Variants in ADAMTS2 observed in about 807,000 individuals in gnomAD.
ADAMTS2 encodes the protein ADAM metallopeptidase with thrombospondin type 1 motif 2.
A neutral mutation model predicts 123.0 loss-of-function variants in ADAMTS2; 50 were observed. That is an observed-to-expected ratio of 0.41 (90% CI 0.32 to 0.51). ADAMTS2 has a LOEUF of 0.51. ADAMTS2 is among the 20% of genes least tolerant of loss of function. The pLI is 0.35. For missense variants in ADAMTS2, 1,494 were observed against 1,705.2 expected (o/e 0.88, Z 2.18); for synonymous variants, 678 against 695.4 (o/e 0.98, Z 0.39).
In ADAMTS2 at chr5:179,308,113, G is replaced by A. The variant is rs1222747394; in HGVS notation, c.535-35049C>T. Among the ~76,000 whole-genome samples, 1 of 152,156 alleles carries A rather than the reference G, an allele frequency of 6.6e-6. No individual in the cohort carries two copies. Among genetic ancestry groups the A allele is most frequent in the Non-Finnish European group, 1.5e-5 (1 of 68,026 alleles). ...GCCAAGGTCCCTGTGGTGCAGAGTG[G>A]GCCAAGTTTGCCGCCTTCTGGAGCG... On this transcript the variant is annotated intron_variant, in intron 2 of 21. Coordinates refer to ENST00000251582, the MANE Select transcript of ADAMTS2 (RefSeq NM_014244.5). This position sits in a 1 kb window ranked among gnomAD's most constrained non-coding sequence, Gnocchi z 6.6.
At chr5:179,222,512 G>C (rs59676020) in intron 3 of ADAMTS2, among the ~76,000 whole-genome samples, 1 of 152,334 alleles carries the variant, frequency 6.6e-6, no homozygotes, top group Non-Finnish European at 1.5e-5. Flanking sequence ...CCTGCTTGCC[G>C]GGCCCCAGCT....
chr5:179,326,002 G>A (rs542216915), intron 2 of ADAMTS2, among the ~76,000 whole-genome samples: 1 of 152,356 alleles, frequency 6.6e-6, no homozygotes, highest in African/African-American at 2.4e-5. Context: ...GGGGTGCGGA[G>A]GAAGGGATCA....
At chr5:179,329,854 T>C (rs377217415) in intron 2 of ADAMTS2, among the ~76,000 whole-genome samples, 49 of 152,052 alleles carry the variant, frequency 3.2e-4, no homozygotes, top group East Asian at 2.1e-3. Flanking sequence ...AGGCCGGGCG[T>C]GGTGGCTCAC....
chr5:179,297,958 C>T (rs532232315), intron 2 of ADAMTS2, among the ~76,000 whole-genome samples: 1 of 152,234 alleles, frequency 6.6e-6, no homozygotes, highest in Admixed American at 6.5e-5. Context: ...TCTGCTGCTC[C>T]CTCCCACGCA....
rs1055040572 is a variant in ADAMTS2 at position 179,189,907 on chromosome 5, C to T, written c.892-8752G>A. On this transcript the variant is annotated intron_variant, in intron 4 of 21. Coordinates refer to ENST00000251582, the MANE Select transcript of ADAMTS2 (RefSeq NM_014244.5). This position sits in a 1 kb window ranked among gnomAD's most constrained non-coding sequence, Gnocchi z 4.2. ...TTCACAAGGGCGGGTCCGGCGGGGGCGGGTGGCAATATCACAAAGTACATT... is the reference window on the plus strand; with the variant it reads ...TTCACAAGGGCGGGTCCGGCGGGGGTGGGTGGCAATATCACAAAGTACATT... 3.3e-5 allele frequency among the ~76,000 whole-genome samples: 5 copies of T among 149,404 alleles called. No individual in the cohort carries two copies. The highest frequency in any genetic ancestry group is 7.4e-5 in the African/African-American group (3 of 40,288).
rs1412956412 is a variant in ADAMTS2 at position 179,114,125 on chromosome 5, G to A, written c.3378C>T (p.Pro1126=). The change falls in exon 22 of 22, where the codon CCC becomes CCT. Residue 1126 remains proline, a synonymous_variant. Coordinates refer to ENST00000251582, the MANE Select transcript of ADAMTS2 (RefSeq NM_014244.5). ...IDVFMPTLPV[P]TVAMEVRPSP... is the part of the protein sequence containing the mutation. ...ATGGCCGCACCTCCATGGCTACAGT[G>A]GGCACTGGGAGGGTAGGCATGAACA... The A allele has an allele frequency of 1.2e-6, 2 of 1,614,032 alleles. No homozygotes were observed. Among genetic ancestry groups the A allele is most frequent in the Admixed American group, 1.7e-5 (1 of 60,004 alleles).
Position 179,152,099 on chromosome 5 carries a change from C to T in ADAMTS2, c.1629+43G>A, listed in dbSNP as rs74406167. ...TGACCCGGGCACCTAAGATTCCTGT[C>T]CTCTGCCCTGCTGCCCTCCAAGAGC... On this transcript the variant is annotated intron_variant, in intron 10 of 21. Transcript: ENST00000251582. 2,537 of 1,570,826 alleles carry T rather than the reference C, an allele frequency of 1.6e-3. 44 individuals carry two copies. In the African/African-American group the frequency reaches 0.031, roughly 19 times the overall value.
intron 5 of ADAMTS2, among the ~76,000 whole-genome samples, chr5:179,167,794 C>T (rs551873895): frequency 5.3e-5 from 8 of 152,352 alleles, no homozygotes; most frequent in South Asian, 2.1e-4. Flanking sequence ...ACTGCAGCTC[C>T]GAGCTTGGAG....
chr5:179,182,937 A>G (rs1764081064), intron 4 of ADAMTS2, among the ~76,000 whole-genome samples: 1 of 152,174 alleles, frequency 6.6e-6, no homozygotes, highest in Non-Finnish European at 1.5e-5. Flanking sequence ...GTCCCCAGGA[A>G]GCCTTGCCAT....
intron 4 of ADAMTS2, among the ~76,000 whole-genome samples, chr5:179,206,206 C>T (rs1167683337): frequency 6.6e-6 from 1 of 152,198 alleles, no homozygotes; most frequent in Admixed American, 6.5e-5. Context: ...GGCTAGCTGA[C>T]TCACCCAAGA....
chr5:179,114,241 G>A lies in ADAMTS2; in HGVS notation c.3262C>T (p.Leu1088=), dbSNP rs960542347. The change falls in exon 22 of 22, where the codon CTG becomes TTG. Residue 1088 remains leucine, a synonymous_variant. Coordinates refer to ENST00000251582, the MANE Select transcript of ADAMTS2 (RefSeq NM_014244.5). The stretch of plus-strand genomic sequence containing the variant: ...TACAGGTTACAGGACTTGCAGCACA[G>A]CTTGTTGTAGCCTGGGATGGAGCAA... The part of the protein sequence containing the change: ...RYCSIPGYNK[L]CCKSCNLYNN... 9 of 1,613,966 alleles carry A rather than the reference G, an allele frequency of 5.6e-6. No individual in the cohort carries two copies. The highest frequency in any genetic ancestry group is 2.2e-5 in the East Asian group (1 of 44,894).
At chr5:179,160,251 G>C (rs553894649) in intron 5 of ADAMTS2, among the ~76,000 whole-genome samples, 1 of 152,294 alleles carries the variant, frequency 6.6e-6, no homozygotes, top group East Asian at 1.9e-4. Flanking sequence ...CTGAGGTCAG[G>C]AGTTTGAGAC....
chr5:179,251,957 G>A (rs1054511784), intron 3 of ADAMTS2, among the ~76,000 whole-genome samples: 1 of 151,534 alleles, frequency 6.6e-6, no homozygotes, highest in Non-Finnish European at 1.5e-5. Flanking sequence ...CAGCAACAAT[G>A]ATCAGAACTC....
intron 5 of ADAMTS2, among the ~76,000 whole-genome samples, chr5:179,172,052 C>T (rs973257471): frequency 2.0e-5 from 3 of 152,196 alleles, no homozygotes; most frequent in Admixed American, 6.5e-5. Context: ...GTCCAGCTTC[C>T]GGTTCTGTCT....
chr5:179,135,851 T>C, intron 13 of ADAMTS2, 58 bp downstream of exon 13: 1 of 1,610,062 alleles, frequency 6.2e-7, no homozygotes, highest in Non-Finnish European at 8.5e-7. Context: ...GGGAGGTCAG[T>C]ACCCAGGAAG....
At chr5:179,135,714 C>A (rs1401784846) in intron 13 of ADAMTS2, among the ~76,000 whole-genome samples, 195 bp downstream of exon 13, 2 of 152,192 alleles carry the variant, frequency 1.3e-5, no homozygotes, top group Non-Finnish European at 2.9e-5. Flanking sequence ...TAGGCATACT[C>A]AAGTCTCAGG....
chr5:179,132,358 G>T lies in ADAMTS2; in HGVS notation c.2210-48C>A. On this transcript the variant is annotated intron_variant, in intron 14 of 21. Coordinates refer to ENST00000251582, the MANE Select transcript of ADAMTS2 (RefSeq NM_014244.5). This position sits in a 1 kb window ranked among gnomAD's most constrained non-coding sequence, Gnocchi z 6.1. ...CAGAAAACTGAGAAGGGAAGGCGCC[G>T]CTCAAATTCGCACCATGCAAGGAGG... The T allele has an allele frequency of 6.4e-7, 1 of 1,560,004 alleles. No homozygotes were observed. The highest frequency in any genetic ancestry group is 8.8e-7 in the Non-Finnish European group (1 of 1,133,644).
In ADAMTS2 at chr5:179,312,821, G is replaced by A. The variant is rs1043153354; in HGVS notation, c.534+30946C>T. On this transcript the variant is annotated intron_variant, in intron 2 of 21. Coordinates refer to ENST00000251582, the MANE Select transcript of ADAMTS2 (RefSeq NM_014244.5). The surrounding 1 kb of genome is among the most constrained non-coding windows in gnomAD (Gnocchi z 4.2). ...GGAGCGCGGCCCTGCCGCCACCTGC[G>A]TTTTGCCCTGTTGAAACTGATTTCA... Among the ~76,000 whole-genome samples the A allele has an allele frequency of 3.9e-5, 6 of 152,174 alleles. No individual in the cohort carries two copies. Among genetic ancestry groups the A allele is most frequent in the African/African-American group, 4.8e-5 (2 of 41,444 alleles).
rs763792775 is a variant in ADAMTS2, at chr5:179,126,039, G to A, written c.2709C>T (p.Ala903=). The A allele has an allele frequency of 3.5e-5, 56 of 1,613,352 alleles. 1 individual carries two copies. The Admixed American group carries it at 8.2e-4, about 24-fold the overall frequency. The change falls in exon 18 of 22, where the codon GCC becomes GCT. Residue 903 remains alanine, a synonymous_variant. Transcript: ENST00000251582. ...CCTGTGGGTTGCACGCTCTGCGGATGGCTTTGGGCTTCGAGAGGGCGGCAC... is the reference window on the plus strand; with the variant it reads ...CCTGTGGGTTGCACGCTCTGCGGATAGCTTTGGGCTTCGAGAGGGCGGCAC... ...GFCAALSKPK[A]IRRACNPQEC...
Sources: gnomAD v4.1 joint callset for allele counts (sites outside exome capture counted in the v4.1 genomes callset) on GRCh38, gnomAD v4.1.1 for gene constraint, Gnocchi (gnomAD v3.1) non-coding constraint, MANE v1.5 for transcripts, NCBI Gene and HGNC (gene_info 2026-07-23, HGNC 2026-07-21) for gene names.